PIEZO1: variants seen among roughly 807,000 people sequenced by gnomAD.
PIEZO1 encodes piezo type mechanosensitive ion channel component 1 (Er blood group), also known as piezo-type mechanosensitive ion channel component 1.
A neutral mutation model predicts 297.2 loss-of-function variants in PIEZO1; 296 were observed. The observed-to-expected ratio is 1.00, with a 90% confidence interval of 0.91 to 1.10. The LOEUF is 1.10. Ranked by LOEUF, PIEZO1 falls within the 50% of genes least tolerant of loss-of-function variation. The pLI is 0.00. For missense variants in PIEZO1, 5,018 were observed against 3,455.5 expected, an observed-to-expected ratio of 1.45 and a Z score of -11.34; for synonymous variants, 2,427 against 1,507.5, an observed-to-expected ratio of 1.61 and a Z score of -14.13.
chr16:88,750,151 A>G (rs1906312253), intron 1 of PIEZO1, among the ~76,000 whole-genome samples: 1 of 151,590 alleles, frequency 6.6e-6, no homozygotes, highest in African/African-American at 2.4e-5. Context: ...CCTGGCCAAT[A>G]TGGTGAATCC....
At chr16:88,721,480 G>T (rs553233633) in intron 38 of PIEZO1, 50 bp from the exon 39 acceptor site, 551 of 1,538,960 alleles carry the variant, frequency 3.6e-4, no homozygotes, top group Non-Finnish European at 4.5e-4. Flanking sequence ...CTGGTGGAGA[G>T]CACAGGTGCC....
At chr16:88,742,553 C>G in intron 2 of PIEZO1, 131 bp from the exon 3 acceptor site, 2 of 929,744 alleles carry the variant, frequency 2.2e-6, no homozygotes, top group Non-Finnish European at 3.2e-6. Context: ...GCCATGGACT[C>G]AGGACCCCAT....
chr16:88,727,599 G>A lies in PIEZO1; in HGVS notation c.3259C>T (p.Leu1087=). 6.5e-7 allele frequency: 1 copy of A among 1,537,356 alleles called. No individual in the cohort carries two copies. The highest frequency in any genetic ancestry group is 1.2e-5 in the South Asian group (1 of 82,910). Residue 1087 remains leucine, a synonymous_variant, in exon 23 of 51, where the codon CTG becomes TTG. Coordinates refer to ENST00000301015, the MANE Select transcript of PIEZO1 (RefSeq NM_001142864.4). ...TTGGGGGCCCGGAAGAAATCAGGCA[G>A]GTACAGCCACTTGATGAGTGCGGAG... ...MNSALIKWLY[L]PDFFRAPNST...
intron 12 of PIEZO1, 95 bp downstream of exon 12, chr16:88,736,053 C>G (rs1905190281): frequency 7.9e-7 from 1 of 1,270,872 alleles, no homozygotes; most frequent in African/African-American, 1.5e-5. Context: ...CTTCTTGGCG[C>G]TGCCACTCCC....
rs186774726 is a variant in PIEZO1, at chr16:88,721,600, C to G, written c.5341G>C (p.Gly1781Arg). ...PRILGLEKTDGYIKYDLVQLM... is the reference protein window; with the variant it reads ...PRILGLEKTDRYIKYDLVQLM... ...TGCACCAGGTCGTACTTGATGTAGC[C>G]GTCAGTCTTCTCCAGGCCCAGGATG... The change falls in exon 38 of 51, where the codon GGC (glycine) becomes CGC (arginine). Residue 1781 changes from glycine to arginine, a missense_variant. Gly to Arg is a moderately radical substitution (Grantham distance 125). Transcript: ENST00000301015. 3.4e-5 allele frequency: 52 copies of G among 1,550,126 alleles called. No homozygotes were observed. Among genetic ancestry groups the G allele is most frequent in the Non-Finnish European group, 4.1e-5 (47 of 1,146,914 alleles).
intron 10 of PIEZO1, 57 bp from the exon 11 acceptor site, chr16:88,736,796 T>TG: frequency 9.1e-7 from 1 of 1,095,792 alleles, no homozygotes; most frequent in South Asian, 1.5e-5. Flanking sequence ...CTCCCCACCC[T>TG]GACTATGCCC....
At chr16:88,749,574 C>T (rs1192602199) in intron 1 of PIEZO1, 95 bp from the exon 2 acceptor site, 18 of 949,532 alleles carry the variant, frequency 1.9e-5, no homozygotes, top group African/African-American at 3.4e-5. Flanking sequence ...GTCACACCGC[C>T]GAGGCCGTGT....
chr16:88,733,156 G>C (rs1347148956), intron 19 of PIEZO1, 122 bp downstream of exon 19: 1 of 945,704 alleles, frequency 1.1e-6, no homozygotes, highest in South Asian at 1.7e-5. Flanking sequence ...GCGCCCCCAG[G>C]GGAGAGTCCT....
chr16:88,721,901 C>G lies in PIEZO1; in HGVS notation c.5121G>C (p.Ser1707=), dbSNP rs34346312. The change falls in exon 37 of 51, where the codon TCG becomes TCC. Residue 1707 remains serine, a synonymous_variant. Transcript: ENST00000301015. Reference sequence around the variant, plus strand: ...GGAAGACGAGCACGGGCAGCACCAGCGAGCCGGCGGAGGCCGTGACCATGT... The same window carrying G: ...GGAAGACGAGCACGGGCAGCACCAGGGAGCCGGCGGAGGCCGTGACCATGT... ...LNHMVTASAG[S]LVLPVLVFLW... is the part of the protein sequence containing the mutation. The G allele has an allele frequency of 3.5e-3, 5,489 of 1,550,092 alleles. 143 individuals are homozygous for G. In the African/African-American group the frequency reaches 0.065, roughly 18 times the overall value.
chr16:88,731,533 G>A (rs1597454229), intron 22 of PIEZO1, 173 bp downstream of exon 22: 12 of 595,410 alleles, frequency 2.0e-5, no homozygotes, highest in Non-Finnish European at 3.6e-5. Context: ...GCCCCCGAGA[G>A]ACAGGATGCA....
chr16:88,722,465 A>G, intron 35 of PIEZO1, 68 bp from the exon 36 acceptor site: 1 of 1,449,902 alleles, frequency 6.9e-7, no homozygotes, highest in African/African-American at 1.4e-5. Context: ...AGGGAGGGTC[A>G]GGGTGGAAAG....
chr16:88,745,756 A>AC, intron 2 of PIEZO1: 1 of 151,532 alleles, frequency 6.6e-6, no homozygotes, highest in South Asian at 2.1e-4. Context: ...CTCAAAAAAA[A>AC]AAAAAAAAAA....
intron 1 of PIEZO1, among the ~76,000 whole-genome samples, chr16:88,770,322 C>T (rs949794262): frequency 2.6e-5 from 4 of 152,162 alleles, no homozygotes; most frequent in African/African-American, 9.7e-5. Flanking sequence ...GTCACACCTG[C>T]CCCCCAGCCG....
In PIEZO1 at chr16:88,723,107, C is replaced by G. The variant is rs897920447; in HGVS notation, c.4483G>C (p.Glu1495Gln). Residue 1495 changes from glutamate to glutamine, a missense_variant, in exon 33 of 51, where the codon GAG (glutamate) becomes CAG (glutamine). Coordinates refer to ENST00000301015, the MANE Select transcript of PIEZO1 (RefSeq NM_001142864.4). ...QEVEPAEGPE[E>Q]AAAGRSHVVQ... is the part of the protein sequence containing the mutation. ...CGGGCCCACGTACCTGCCGCTGCCT[C>G]CTCGGGGCCCTCTGCTGGCTCCACC... is the stretch of plus-strand genomic sequence containing the variant. 7.8e-6 allele frequency: 12 copies of G among 1,548,328 alleles called. 1 individual carries two copies. The highest frequency in any genetic ancestry group is 6.8e-5 in the African/African-American group (5 of 73,030).
chr16:88,715,654 A>G lies in PIEZO1; in HGVS notation c.7517T>C (p.Leu2506Pro). The change falls in exon 51 of 51, where the codon CTC becomes CCC. Residue 2506 changes from leucine to proline, a missense_variant. By Grantham distance (98) the Leu-to-Pro change is moderately conservative. Coordinates refer to ENST00000301015, the MANE Select transcript of PIEZO1 (RefSeq NM_001142864.4). ...GATCATGGTCTCCGGTGAGCGGTAG[A>G]GGAAGATGAGCTTGGCGTACAACTC... ...EEELYAKLIF[L>P]YRSPETMIKW... is the part of the protein sequence containing the mutation. 6.5e-7 allele frequency: 1 copy of G among 1,550,306 alleles called. No individual in the cohort carries two copies. The highest frequency in any genetic ancestry group is 8.7e-7 in the Non-Finnish European group (1 of 1,146,928).
At chr16:88,715,883 C>A (rs1268654110) in intron 50 of PIEZO1, 29 bp from the exon 51 acceptor site, 2 of 1,545,722 alleles carry the variant, frequency 1.3e-6, no homozygotes, top group African/African-American at 2.7e-5. Flanking sequence ...AGTCCTGGGG[C>A]CGCCCGGAGC....
chr16:88,748,094 T>C (rs1473847099), intron 2 of PIEZO1, among the ~76,000 whole-genome samples: 1 of 152,188 alleles, frequency 6.6e-6, no homozygotes, highest in Non-Finnish European at 1.5e-5. Context: ...TGGTCCTGCT[T>C]GGCCTCCTCT....
Position 88,715,580 on chromosome 16 carries a change from C to T in PIEZO1, c.*25G>A. On this transcript the variant is annotated 3_prime_UTR_variant, in exon 51 of 51. Coordinates refer to ENST00000301015, the MANE Select transcript of PIEZO1 (RefSeq NM_001142864.4). ...ACGCTGCCCAGCAGGCCGGCTCCTT[C>T]CCTCTCGGGCGCCAGCAGCAGCTCC... 2 of 1,544,438 alleles carry T rather than the reference C, an allele frequency of 1.3e-6. No individual in the cohort carries two copies. Among genetic ancestry groups the T allele is most frequent in the Non-Finnish European group, 1.7e-6 (2 of 1,144,192 alleles).
rs1486595751 is a variant in PIEZO1 at position 88,732,715 on chromosome 16, G to A, written c.2682C>T (p.Thr894=). The A allele has an allele frequency of 1.9e-6, 3 of 1,547,906 alleles. No homozygotes were observed. The highest frequency in any genetic ancestry group is 2.4e-5 in the South Asian group (2 of 83,866). The change falls in exon 20 of 51, where the codon ACC becomes ACT. Residue 894 remains threonine, a synonymous_variant. Coordinates refer to ENST00000301015, the MANE Select transcript of PIEZO1 (RefSeq NM_001142864.4). ...GGCTGATCTCCGTGGGCAGCAAGTT[G>A]GTGCTGTTGGGGAAGGGCTGGCAAG... The part of the protein sequence containing the change: ...SNCTEPFPNS[T]NLLPTEISQS...
Sources: gnomAD v4.1 joint callset for allele counts (sites outside exome capture counted in the v4.1 genomes callset) on GRCh38, gnomAD v4.1.1 for gene constraint, MANE v1.5 for transcripts, NCBI Gene and HGNC (gene_info 2026-07-23, HGNC 2026-07-21) for gene names.